Variants in ANO3 observed in about 807,000 individuals in gnomAD.
The protein encoded by ANO3 is anoctamin-3.
A neutral mutation model predicts 144.8 loss-of-function variants in ANO3; 99 were observed. The ratio of observed to expected loss-of-function variants is 0.68; its 90% CI spans 0.58 to 0.81. The LOEUF (loss-of-function observed/expected upper bound fraction) is 0.81. ANO3 is among the 30% of genes least tolerant of loss of function. ANO3 has a pLI of 0.00. For missense variants in ANO3, 905 were observed against 1,202.2 expected, an observed-to-expected ratio of 0.75 and a Z score of 3.66; for synonymous variants, 414 against 392.6, an observed-to-expected ratio of 1.05 and a Z score of -0.64.
At chr11:26,578,887 A>G (rs1851059125) in intron 14 of ANO3, among the ~76,000 whole-genome samples, 1 of 152,318 alleles carries the variant, frequency 6.6e-6, no homozygotes, top group African/African-American at 2.4e-5. Flanking sequence ...GCTCTCTTCA[A>G]CAATACGTGA....
At chr11:26,400,524 C>A (rs914620100) in intron 1 of ANO3, among the ~76,000 whole-genome samples, 1 of 151,920 alleles carries the variant, frequency 6.6e-6, no homozygotes, top group Non-Finnish European at 1.5e-5. Flanking sequence ...GGTCCTTGAA[C>A]ATAATTATAC....
At chr11:26,584,147 TTTTGTTTG>T (rs146545367) in intron 14 of ANO3, among the ~76,000 whole-genome samples, 20 of 148,826 alleles carry the variant, frequency 1.3e-4, no homozygotes, top group African/African-American at 4.1e-4. Flanking sequence ...TGTCTTGTTT[TTTTGTTTG>T]TTTGTTTGTT....
intron 17 of ANO3, among the ~76,000 whole-genome samples, chr11:26,607,946 C>T (rs1001529532): frequency 1.3e-5 from 2 of 152,222 alleles, no homozygotes; most frequent in Admixed American, 6.5e-5. Context: ...TCAATTTGTT[C>T]TCATCCTTTG....
chr11:26,627,982 G>T (rs998134069), intron 18 of ANO3, among the ~76,000 whole-genome samples: 1 of 151,866 alleles, frequency 6.6e-6, no homozygotes, highest in Non-Finnish European at 1.5e-5. Context: ...TAAACTTTCT[G>T]TTTCTTGATT....
chr11:26,387,654 G>GT (rs1160038370), intron 1 of ANO3, among the ~76,000 whole-genome samples: 2 of 151,950 alleles, frequency 1.3e-5, no homozygotes, highest in Non-Finnish European at 2.9e-5. Context: ...TAAACCTGTG[G>GT]TTTTTCCCCT....
chr11:26,512,850 A>G (rs1335331367), intron 5 of ANO3, among the ~76,000 whole-genome samples: 3 of 152,218 alleles, frequency 2.0e-5, no homozygotes, highest in African/African-American at 7.2e-5. Flanking sequence ...AGAATAGTCC[A>G]GGCTTATTTG....
chr11:26,645,224 AT>A (rs11322623), intron 23 of ANO3, among the ~76,000 whole-genome samples: 120,076 of 151,786 alleles, frequency 0.79, 48,168 homozygotes, highest in East Asian at 0.88. Context: ...GAGGTCCAGG[AT>A]TTTTTTCCCC....
At chr11:26,545,855 C>G (rs1231504795) in intron 11 of ANO3, among the ~76,000 whole-genome samples, 1 of 151,280 alleles carries the variant, frequency 6.6e-6, no homozygotes, top group African/African-American at 2.4e-5. Flanking sequence ...TACCAGTGCT[C>G]TAAGGCAAGG....
chr11:26,316,480 AAC>A (rs1409918035), intron 1 of ANO3, among the ~76,000 whole-genome samples: 1 of 152,210 alleles, frequency 6.6e-6, no homozygotes, highest in African/African-American at 2.4e-5. Context: ...TTAAAACAGA[AAC>A]ACAGTCTATC....
intron 1 of ANO3, among the ~76,000 whole-genome samples, chr11:26,433,427 T>G (rs1483731291): frequency 6.6e-6 from 1 of 152,162 alleles, no homozygotes; most frequent in African/African-American, 2.4e-5. Flanking sequence ...CTTCCAATAC[T>G]ATGTTGAGTA....
chr11:26,268,989 T>A (rs1416819671), intron 1 of ANO3, among the ~76,000 whole-genome samples: 1 of 152,150 alleles, frequency 6.6e-6, no homozygotes, highest in Non-Finnish European at 1.5e-5. Context: ...TAGGGGAGGT[T>A]CCCTCAACTC....
intron 4 of ANO3, among the ~76,000 whole-genome samples, chr11:26,498,286 A>G (rs187974301): frequency 6.6e-6 from 1 of 152,074 alleles, no homozygotes; most frequent in African/African-American, 2.4e-5. Context: ...AGTTATAATA[A>G]CTATAGGGTG....
intron 1 of ANO3, among the ~76,000 whole-genome samples, chr11:26,284,069 G>A (rs1853745968): frequency 6.6e-6 from 1 of 152,118 alleles, no homozygotes; most frequent in South Asian, 2.1e-4. Flanking sequence ...AGCACAGGCA[G>A]CTCCCAGATA....
Position 26,647,699 on chromosome 11 carries a change from C to T in ANO3, c.2429-10C>T, listed in dbSNP as rs1162564402. The T allele has an allele frequency of 1.9e-6, 3 of 1,592,940 alleles. No homozygotes were observed. Among genetic ancestry groups the T allele is most frequent in the Non-Finnish European group, 2.6e-6 (3 of 1,166,504 alleles). ...TTTTTGTTCACCATGATTAATCTTT[C>T]TCTTACCAGGTATCTGGCTTGGAAT... is the stretch of plus-strand genomic sequence containing the variant. On this transcript the variant is annotated splice_polypyrimidine_tract_variant and intron_variant, in intron 23 of 26. Coordinates refer to ENST00000256737, the MANE Select transcript of ANO3 (RefSeq NM_031418.4).
chr11:26,565,266 A>C, intron 14 of ANO3: 2 of 1,596,090 alleles, frequency 1.3e-6, no homozygotes, highest in Non-Finnish European at 1.7e-6. Context: ...AAACCCAGTG[A>C]AGCTATCACT....
chr11:26,300,591 A>G (rs1854203800), intron 1 of ANO3, among the ~76,000 whole-genome samples: 1 of 152,194 alleles, frequency 6.6e-6, no homozygotes, highest in African/African-American at 2.4e-5. Context: ...GACCAGATAA[A>G]AAGGATTGGC....
At chr11:26,356,534 A>G (rs777356542) in intron 1 of ANO3, among the ~76,000 whole-genome samples, 1 of 152,184 alleles carries the variant, frequency 6.6e-6, no homozygotes, top group African/African-American at 2.4e-5. Context: ...ATTTCACTCA[A>G]TATAATGCTT....
intron 1 of ANO3, among the ~76,000 whole-genome samples, chr11:26,351,420 T>C (rs952020844): frequency 6.6e-6 from 1 of 152,172 alleles, no homozygotes; most frequent in Non-Finnish European, 1.5e-5. Flanking sequence ...TTTTAAAATA[T>C]ATTTTATTGT....
chr11:26,305,966 C>A (rs1288770471), upstream of ANO3, among the ~76,000 whole-genome samples: 1 of 151,984 alleles, frequency 6.6e-6, no homozygotes, highest in Non-Finnish European at 1.5e-5. Flanking sequence ...TCTTCCTATT[C>A]TTCTTAAGAC....
Sources: allele counts gnomAD v4.1 joint callset (sites outside exome capture counted in the v4.1 genomes callset), GRCh38; gene constraint gnomAD v4.1.1; transcripts MANE v1.5; gene names NCBI Gene and HGNC (gene_info 2026-07-23, HGNC 2026-07-21).